The following STK32A variants were observed in gnomAD, a reference collection of about 807,000 sequenced individuals.
STK32A encodes serine/threonine-protein kinase 32A.
STK32A carries 41 observed loss-of-function variants against 53.2 expected under a neutral mutation model. The ratio of observed to expected loss-of-function variants is 0.77; its 90% confidence interval spans 0.60 to 1.00. The LOEUF (loss-of-function observed/expected upper bound fraction) is 1.00. Among genes scored for constraint, STK32A ranks in the 50% least tolerant of loss-of-function variants. STK32A has a pLI of 0.00. For missense variants in STK32A, 458 were observed against 485.8 expected (o/e 0.94, Z 0.54); for synonymous variants, 166 against 162.8 (o/e 1.02, Z -0.15).
At chr5:147,269,666 G>T (rs1023121560) in intron 2 of STK32A, among the ~76,000 whole-genome samples, 2 of 152,066 alleles carry the variant, frequency 1.3e-5, no homozygotes, top group East Asian at 1.9e-4. Flanking sequence ...TCTTATTTGG[G>T]TCTTATCTTG....
chr5:147,375,380 C>T, intron 11 of STK32A, 162 bp downstream of exon 11: 1 of 757,522 alleles, frequency 1.3e-6, no homozygotes, highest in Non-Finnish European at 2.0e-6. Context: ...GACCAGAGCT[C>T]CTCTGAGGAT....
At chr5:147,262,057 TGTG>T (rs1251594900) in intron 2 of STK32A, among the ~76,000 whole-genome samples, 1 of 152,072 alleles carries the variant, frequency 6.6e-6, no homozygotes, top group Non-Finnish European at 1.5e-5. Context: ...GGTCTTGAAA[TGTG>T]GTACTTTTCT....
At chr5:147,379,002 A>G (rs996070239) in intron 11 of STK32A, among the ~76,000 whole-genome samples, 2 of 151,690 alleles carry the variant, frequency 1.3e-5, no homozygotes, top group East Asian at 1.9e-4. Flanking sequence ...CATTGAATCT[A>G]TAAATTACTT....
intron 2 of STK32A, among the ~76,000 whole-genome samples, chr5:147,260,565 T>A (rs563168739): frequency 6.9e-6 from 1 of 145,568 alleles, no homozygotes; most frequent in Non-Finnish European, 1.5e-5. Flanking sequence ...AAGGCTCAAC[T>A]CCTCAAACCA....
chr5:147,339,285 G>C (rs560577107), intron 5 of STK32A, among the ~76,000 whole-genome samples: 3 of 152,226 alleles, frequency 2.0e-5, no homozygotes, highest in Admixed American at 6.5e-5. Context: ...GCAAGCCTTG[G>C]TGGCTTACGC....
At chr5:147,294,050 A>G (rs1329077178) in intron 4 of STK32A, among the ~76,000 whole-genome samples, 1 of 152,230 alleles carries the variant, frequency 6.6e-6, no homozygotes, top group Non-Finnish European at 1.5e-5. Flanking sequence ...TTTCTATTAA[A>G]GAGAAGATCA....
chr5:147,397,803 C>T, the STK32A span: 10 of 1,613,786 alleles, frequency 6.2e-6, no homozygotes, highest in Non-Finnish European at 8.5e-6. Context: ...ACCAGAGGAG[C>T]CCCGCGCAGC....
At chr5:147,259,150 T>C (rs1458273182) in intron 2 of STK32A, among the ~76,000 whole-genome samples, 1 of 152,200 alleles carries the variant, frequency 6.6e-6, no homozygotes, top group Non-Finnish European at 1.5e-5. Flanking sequence ...AAGGGAATTT[T>C]CAGTGGTTAA....
chr5:147,340,905 A>C (rs182273349), intron 5 of STK32A, among the ~76,000 whole-genome samples: 1 of 152,338 alleles, frequency 6.6e-6, no homozygotes, highest in East Asian at 1.9e-4. Context: ...TGAATAAATG[A>C]ATACAAGATT....
chr5:147,254,914 C>T (rs544804845), intron 2 of STK32A, among the ~76,000 whole-genome samples: 44 of 152,064 alleles, frequency 2.9e-4, no homozygotes, highest in African/African-American at 9.9e-4. Context: ...CAGAGGTGGG[C>T]GGATCACGAG....
At chr5:147,383,723 G>A (rs914549296) in intron 12 of STK32A, among the ~76,000 whole-genome samples, 167 bp from the exon 13 acceptor site, 2 of 152,252 alleles carry the variant, frequency 1.3e-5, no homozygotes, top group Admixed American at 6.5e-5. Context: ...TTTGTGAGAA[G>A]GGAAGAGGAA....
intron 4 of STK32A, among the ~76,000 whole-genome samples, chr5:147,287,288 G>A (rs544357159): frequency 2.6e-5 from 4 of 152,162 alleles, no homozygotes; most frequent in South Asian, 2.1e-4. Context: ...ATTTTAATGC[G>A]TCCATTATGT....
intron 5 of STK32A, among the ~76,000 whole-genome samples, chr5:147,329,496 G>A (rs1754758148): frequency 1.3e-5 from 2 of 152,208 alleles, no homozygotes; most frequent in Non-Finnish European, 2.9e-5. Flanking sequence ...ATAAGAAGTT[G>A]TTAATATTAT....
chr5:147,306,737 G>C (rs1367922643), intron 4 of STK32A, among the ~76,000 whole-genome samples: 1 of 152,066 alleles, frequency 6.6e-6, no homozygotes, highest in Non-Finnish European at 1.5e-5. Flanking sequence ...AATTATCTAA[G>C]ATGTTTGAAT....
At chr5:147,243,947 T>C (rs1753681527) in intron 2 of STK32A, among the ~76,000 whole-genome samples, 1 of 152,170 alleles carries the variant, frequency 6.6e-6, no homozygotes, top group Non-Finnish European at 1.5e-5. Flanking sequence ...ATTAAGCACA[T>C]TCACGTTATC....
At position 147,349,545 on chromosome 5, in the gene STK32A, C is replaced by T. The variant is rs530454362; in HGVS notation, c.473-1520C>T. 2.4e-4 allele frequency among the ~76,000 whole-genome samples: 36 copies of T among 152,286 alleles called. No individual in the cohort carries two copies. The South Asian group carries it at 7.5e-3, about 32-fold the overall frequency. ...GCTTTTGGCACGGCCCTTTTGTTCC[C>T]TTTAGCTGTAAATGCAGGGACCCTA... On this transcript the variant is annotated intron_variant, in intron 6 of 12. Transcript: ENST00000397936.
chr5:147,262,761 G>A (rs1272372212), intron 2 of STK32A, among the ~76,000 whole-genome samples: 10 of 152,082 alleles, frequency 6.6e-5, no homozygotes, highest in African/African-American at 1.2e-4. Flanking sequence ...CACTATCAAC[G>A]TTGCAGAAAC....
At chr5:147,350,274 T>A (rs570465022) in intron 6 of STK32A, among the ~76,000 whole-genome samples, 79 of 150,004 alleles carry the variant, frequency 5.3e-4, no homozygotes, top group African/African-American at 1.8e-3. Context: ...TAGAAAAACT[T>A]GAAGAAAAGG....
chr5:147,364,215 C>CAA lies in STK32A; in HGVS notation c.660+2620_660+2621dup, dbSNP rs764357691. Among the ~76,000 whole-genome samples, 217 of 66,750 alleles carry CAA rather than the reference C, an allele frequency of 3.3e-3. 2 individuals are homozygous for CAA. The highest frequency in any genetic ancestry group is 6.7e-3 in the African/African-American group (132 of 19,650). 43.8% of individuals were successfully genotyped at this position (66,750 alleles called of 152,430 possible). ...GGGCAATGAGAGCGAAACTCCATCT[C>CAA]AAAAAAAAAAAAAAAAAAAAGAAAT... On this transcript the variant is annotated intron_variant, in intron 8 of 12. Coordinates refer to ENST00000397936, the MANE Select transcript of STK32A (RefSeq NM_001112724.2).
Sources: allele counts gnomAD v4.1 joint callset (sites outside exome capture counted in the v4.1 genomes callset), GRCh38; gene constraint gnomAD v4.1.1; transcripts MANE v1.5; gene names NCBI Gene and HGNC (gene_info 2026-07-23, HGNC 2026-07-21).